GRIK4: variants seen among roughly 807,000 people sequenced by gnomAD.
GRIK4 encodes the protein glutamate ionotropic receptor kainate type subunit 4.
In GRIK4, 40 loss-of-function variants were observed where a neutral mutation model predicts 104.9. The observed-to-expected ratio is 0.38, with a 90% CI of 0.30 to 0.50. The LOEUF (loss-of-function observed/expected upper bound fraction) is 0.50. Ranked by LOEUF, GRIK4 falls within the 20% of genes least tolerant of loss-of-function variation. GRIK4 has a pLI of 0.93. For synonymous variants in GRIK4, 485 were observed against 524.9 expected, an observed-to-expected ratio of 0.92 and a Z score of 1.04; for missense variants, 1,047 against 1,308.1, an observed-to-expected ratio of 0.80 and a Z score of 3.08.
At chr11:120,668,904 C>T (rs916359567) in intron 3 of GRIK4, among the ~76,000 whole-genome samples, 27 of 152,168 alleles carry the variant, frequency 1.8e-4, no homozygotes, top group Non-Finnish European at 2.9e-5. Flanking sequence ...TCAATAAGTT[C>T]CTGCATAGAA....
intron 1 of GRIK4, among the ~76,000 whole-genome samples, chr11:120,550,666 C>T (rs956024865): frequency 7.9e-5 from 12 of 151,998 alleles, no homozygotes; most frequent in African/African-American, 2.2e-4. Flanking sequence ...GTGGATGTGG[C>T]GCCACAGACA....
chr11:120,555,437 AAAG>A lies in GRIK4; in HGVS notation c.-159+43551_-159+43553del, dbSNP rs1948177653. 6.6e-6 allele frequency among the ~76,000 whole-genome samples: 1 copy of A among 152,214 alleles called. No homozygotes were observed. The highest frequency in any genetic ancestry group is 1.5e-5 in the Non-Finnish European group (1 of 68,036). On this transcript the variant is annotated intron_variant, in intron 1 of 20. Transcript: ENST00000527524. The surrounding 1 kb of genome is among the most constrained non-coding windows in gnomAD (Gnocchi z 5.3). ...TCTGATTTGCATAGAGCTTGCTAAAAAAGCTTTCTACCGGGCTGCTTATGTACT... is the reference window on the plus strand; with the variant it reads ...TCTGATTTGCATAGAGCTTGCTAAAACTTTCTACCGGGCTGCTTATGTACT...
At chr11:120,981,216 A>G (rs1348985466) in intron 19 of GRIK4, among the ~76,000 whole-genome samples, 1 of 152,218 alleles carries the variant, frequency 6.6e-6, no homozygotes, top group Non-Finnish European at 1.5e-5. Context: ...ATTTAATTAC[A>G]TAGCTGAACT....
At chr11:120,785,482 T>C (rs1429657356) in intron 3 of GRIK4, among the ~76,000 whole-genome samples, 1 of 152,196 alleles carries the variant, frequency 6.6e-6, no homozygotes, top group African/African-American at 2.4e-5. Flanking sequence ...TAACTGCAGA[T>C]AGAATTGTCG....
At chr11:120,730,028 C>T (rs1951101136) in intron 3 of GRIK4, among the ~76,000 whole-genome samples, 1 of 152,220 alleles carries the variant, frequency 6.6e-6, no homozygotes, top group South Asian at 2.1e-4. Context: ...ACTGTCTTTT[C>T]CCCAGTGTAC....
intron 3 of GRIK4, among the ~76,000 whole-genome samples, chr11:120,730,223 T>C (rs1951104415): frequency 6.6e-6 from 1 of 152,002 alleles, no homozygotes. Context: ...CCAGGTGTGG[T>C]GGTGTCTACC....
At chr11:120,661,653 C>G (rs1202432331) in intron 3 of GRIK4, among the ~76,000 whole-genome samples, 1 of 152,140 alleles carries the variant, frequency 6.6e-6, no homozygotes, top group African/African-American at 2.4e-5. Context: ...CAGCCAAAAC[C>G]TGGCTAGGCC....
intron 1 of GRIK4, among the ~76,000 whole-genome samples, chr11:120,519,915 C>T (rs530621820): frequency 2.4e-5 from 3 of 126,220 alleles, no homozygotes; most frequent in East Asian, 2.3e-4. Flanking sequence ...TTTTTTGAGA[C>T]GGGGTCTTAC....
intron 11 of GRIK4, among the ~76,000 whole-genome samples, chr11:120,882,111 C>G (rs1321774639): frequency 1.3e-5 from 2 of 152,160 alleles, no homozygotes; most frequent in Non-Finnish European, 2.9e-5. Context: ...TTCATGCTCT[C>G]CATGGAGAGG....
At chr11:120,954,926 T>C (rs4936569) in intron 15 of GRIK4, among the ~76,000 whole-genome samples, 36,475 of 151,552 alleles carry the variant, frequency 0.24, 4,856 homozygotes, top group African/African-American at 0.34. Flanking sequence ...ACCAGAGCCT[T>C]TGGGGGTGGA....
chr11:120,974,655 A>G (rs1346965170), intron 19 of GRIK4, among the ~76,000 whole-genome samples: 2 of 152,218 alleles, frequency 1.3e-5, no homozygotes, highest in Non-Finnish European at 2.9e-5. Flanking sequence ...GATGCCACCA[A>G]TCCCGAGTCT....
chr11:120,540,496 C>A (rs2136087417), intron 1 of GRIK4, among the ~76,000 whole-genome samples: 1 of 152,250 alleles, frequency 6.6e-6, no homozygotes, highest in Admixed American at 6.5e-5. Flanking sequence ...CACCTGTAAT[C>A]CCAGCTACTT....
chr11:120,936,769 G>A (rs1278975071), intron 13 of GRIK4: 1 of 152,378 alleles, frequency 6.6e-6, no homozygotes, highest in Non-Finnish European at 1.5e-5. Flanking sequence ...GTGAAAGCAG[G>A]AGCAGTCACC....
At chr11:120,950,611 G>A (rs997031034) in intron 14 of GRIK4, among the ~76,000 whole-genome samples, 1 of 152,332 alleles carries the variant, frequency 6.6e-6, no homozygotes, top group South Asian at 2.1e-4. Flanking sequence ...GACCCCAGGA[G>A]TGGACCACAC....
intron 1 of GRIK4, among the ~76,000 whole-genome samples, chr11:120,617,349 TTTTTATTTTA>T (rs541331859): frequency 4.6e-5 from 7 of 151,966 alleles, no homozygotes; most frequent in African/African-American, 1.4e-4. Context: ...GGGAAAAGCT[TTTTTATTTTA>T]TTTTATTTTA....
chr11:120,684,130 GC>G (rs570010400), intron 3 of GRIK4, among the ~76,000 whole-genome samples: 6 of 152,136 alleles, frequency 3.9e-5, no homozygotes, highest in Non-Finnish European at 7.3e-5. Context: ...TTCGAGACCA[GC>G]CTGGGCAACA....
chr11:120,938,479 G>A (rs1260321662), intron 13 of GRIK4, among the ~76,000 whole-genome samples: 1 of 152,184 alleles, frequency 6.6e-6, no homozygotes, highest in East Asian at 1.9e-4. Context: ...ACTGCTTTAT[G>A]GGGTGGAACG....
In GRIK4 at chr11:120,514,142, A is replaced by C. The variant is rs112136720; in HGVS notation, c.-159+2255A>C. On this transcript the variant is annotated intron_variant, in intron 1 of 20. Transcript: ENST00000527524. ...AGACTGCTCAGAAGGCAAGAGAAGCAGCGAGGCGGAAGCTGGCCTTTGTGT... is the reference window on the plus strand; with the variant it reads ...AGACTGCTCAGAAGGCAAGAGAAGCCGCGAGGCGGAAGCTGGCCTTTGTGT... Among the ~76,000 whole-genome samples the C allele has an allele frequency of 5.9e-3, 904 of 152,284 alleles. 8 individuals carry two copies. The highest frequency in any genetic ancestry group is 0.021 in the African/African-American group (865 of 41,552).
intron 11 of GRIK4, among the ~76,000 whole-genome samples, chr11:120,885,019 G>A (rs532855012): frequency 5.9e-5 from 9 of 152,258 alleles, no homozygotes; most frequent in Non-Finnish European, 1.3e-4. Context: ...GCCACTCAGA[G>A]CGCAAAGTTG....
Sources: allele counts gnomAD v4.1 joint callset (sites outside exome capture counted in the v4.1 genomes callset), GRCh38; gene constraint gnomAD v4.1.1; non-coding constraint Gnocchi (gnomAD v3.1); transcripts MANE v1.5; gene names NCBI Gene and HGNC (gene_info 2026-07-23, HGNC 2026-07-21).